UVRAG: variants seen among roughly 807,000 people sequenced by gnomAD.
The protein encoded by UVRAG is UV radiation resistance-associated gene protein.
A neutral mutation model predicts 78.0 loss-of-function variants in UVRAG; 19 were observed. The observed-to-expected ratio is 0.24, with a 90% CI of 0.17 to 0.36. UVRAG has a LOEUF of 0.36. UVRAG is among the 10% of genes least tolerant of loss of function. The pLI is 1.00. For missense variants in UVRAG, 740 were observed against 853.8 expected (o/e 0.87, Z 1.66); for synonymous variants, 323 against 324.6 (o/e 1.00, Z 0.05).
chr11:76,139,651 CACAT>C (rs1952669208), intron 14 of UVRAG, among the ~76,000 whole-genome samples: 1 of 152,116 alleles, frequency 6.6e-6, no homozygotes, highest in Non-Finnish European at 1.5e-5. Context: ...TAATTTCATC[CACAT>C]ACAAGAATGT....
At chr11:75,988,403 A>T (rs749434220) in intron 8 of UVRAG, among the ~76,000 whole-genome samples, 1 of 152,214 alleles carries the variant, frequency 6.6e-6, no homozygotes, top group Non-Finnish European at 1.5e-5. Flanking sequence ...TTCACTTAGC[A>T]TAGTAGCTTT....
At chr11:75,980,838 T>C (rs1041964241) in intron 7 of UVRAG, among the ~76,000 whole-genome samples, 2 of 151,884 alleles carry the variant, frequency 1.3e-5, no homozygotes, top group Admixed American at 6.6e-5. Context: ...CCTGCCACCA[T>C]GCCCAGCTAA....
chr11:75,857,487 TTC>T (rs1491318566), intron 2 of UVRAG, among the ~76,000 whole-genome samples: 8 of 150,624 alleles, frequency 5.3e-5, no homozygotes, highest in African/African-American at 2.0e-4. Context: ...ATCTTTCTTT[TTC>T]CCCCCCCCTT....
intron 3 of UVRAG, among the ~76,000 whole-genome samples, chr11:75,872,255 G>A (rs2134830408): frequency 6.6e-6 from 1 of 152,166 alleles, no homozygotes; most frequent in Middle Eastern, 3.4e-3. Flanking sequence ...ACAAGTCAAG[G>A]TTATCATGAG....
intron 13 of UVRAG, among the ~76,000 whole-genome samples, chr11:76,107,385 C>T (rs967337042): frequency 6.6e-6 from 1 of 152,152 alleles, no homozygotes; most frequent in African/African-American, 2.4e-5. Context: ...CCATTCAGCT[C>T]TAGTATTAAT....
At chr11:76,128,393 C>T (rs1031744595) in intron 14 of UVRAG, among the ~76,000 whole-genome samples, 6 of 152,180 alleles carry the variant, frequency 3.9e-5, no homozygotes, top group African/African-American at 1.4e-4. Context: ...TCCATGAAAC[C>T]GGTCCCTGCT....
rs577472966 is a variant in UVRAG at position 75,931,512 on chromosome 11, A to T, written c.593+19473A>T. On this transcript the variant is annotated intron_variant, in intron 6 of 14. Transcript: ENST00000356136. Reference sequence around the variant, plus strand: ...CCCCCAATTGCACCTGGCATATTTTAAAAAATTAAAGTGAAATCTGCATAC... The same window carrying T: ...CCCCCAATTGCACCTGGCATATTTTTAAAAATTAAAGTGAAATCTGCATAC... Among the ~76,000 whole-genome samples, 4 of 152,290 alleles carry T rather than the reference A, an allele frequency of 2.6e-5. No individual in the cohort carries two copies. In the East Asian group the frequency reaches 7.7e-4, roughly 29 times the overall value.
chr11:76,101,447 G>T (rs1951878359), intron 13 of UVRAG, among the ~76,000 whole-genome samples: 1 of 151,900 alleles, frequency 6.6e-6, no homozygotes, highest in African/African-American at 2.4e-5. Flanking sequence ...TTTTAATGGG[G>T]TCGTTTGTTT....
At chr11:75,999,713 G>T (rs552263251) in intron 8 of UVRAG, among the ~76,000 whole-genome samples, 2 of 152,032 alleles carry the variant, frequency 1.3e-5, no homozygotes, top group African/African-American at 2.4e-5. Context: ...ACATGAAGTG[G>T]TATAATATTA....
intron 1 of UVRAG, among the ~76,000 whole-genome samples, chr11:75,817,386 A>G (rs1431774310): frequency 6.6e-6 from 1 of 152,190 alleles, no homozygotes; most frequent in East Asian, 1.9e-4. Flanking sequence ...CAAACTGTTG[A>G]TGGAATAATT....
At chr11:76,137,631 G>A in intron 14 of UVRAG, 1 of 368,230 alleles carries the variant, frequency 2.7e-6, no homozygotes, top group Non-Finnish European at 5.3e-6. Context: ...GGGACCTGTG[G>A]CTCACACCTG....
rs540618215 is a variant in UVRAG, at chr11:76,086,249, G to A, written c.1305+20461G>A. Among the ~76,000 whole-genome samples the A allele has an allele frequency of 3.9e-5, 6 of 152,240 alleles. No homozygotes were observed. In the South Asian group the frequency reaches 1.2e-3, roughly 32 times the overall value. On this transcript the variant is annotated intron_variant, in intron 13 of 14. Transcript: ENST00000356136. ...TTTTTTCCATCATGTATTCTAGAAA[G>A]ATTTGTCTTTACACATCTGTAAAGC... is the stretch of plus-strand genomic sequence containing the variant.
intron 11 of UVRAG, among the ~76,000 whole-genome samples, chr11:76,010,867 C>A (rs558823895): frequency 6.6e-6 from 1 of 152,012 alleles, no homozygotes; most frequent in African/African-American, 2.4e-5. Flanking sequence ...GCCTTGAGGT[C>A]ACTATAAGGA....
intron 13 of UVRAG, among the ~76,000 whole-genome samples, chr11:76,089,080 A>C (rs1001655579): frequency 6.6e-6 from 1 of 152,180 alleles, no homozygotes; most frequent in African/African-American, 2.4e-5. Context: ...TCATCTCTGA[A>C]AGGAATAGCC....
rs1952759547 is a variant in UVRAG at position 76,143,555 on chromosome 11, T to C, written c.*2142T>C. ...AGCTGATTGCTAGGTGCCTACACATTTGCCTCGACCCACACAGCCCCGTGG... is the reference window on the plus strand; with the variant it reads ...AGCTGATTGCTAGGTGCCTACACATCTGCCTCGACCCACACAGCCCCGTGG... On this transcript the variant is annotated 3_prime_UTR_variant, in exon 15 of 15. Transcript: ENST00000356136. 6.6e-6 allele frequency among the ~76,000 whole-genome samples: 1 copy of C among 151,968 alleles called. No homozygotes were observed. The highest frequency in any genetic ancestry group is 1.5e-5 in the Non-Finnish European group (1 of 67,934).
At chr11:76,128,803 C>T (rs750008562) in intron 14 of UVRAG, among the ~76,000 whole-genome samples, 97 of 152,048 alleles carry the variant, frequency 6.4e-4, no homozygotes, top group African/African-American at 2.0e-3. Flanking sequence ...GGTTTAAGCT[C>T]GATTTAGATA....
intron 5 of UVRAG, among the ~76,000 whole-genome samples, chr11:75,905,664 A>G (rs1775750375): frequency 6.6e-6 from 1 of 152,116 alleles, no homozygotes; most frequent in Non-Finnish European, 1.5e-5. Context: ...GCATGTGTAC[A>G]CACACAGAGA....
At chr11:76,138,413 C>T (rs554264558) in intron 14 of UVRAG, among the ~76,000 whole-genome samples, 8 of 152,318 alleles carry the variant, frequency 5.3e-5, no homozygotes, top group Non-Finnish European at 8.8e-5. Context: ...GGAAAATGGT[C>T]GTTCCCTTCA....
chr11:76,084,355 C>CA lies in UVRAG; in HGVS notation c.1305+18569dup, dbSNP rs1951547657. On this transcript the variant is annotated intron_variant, in intron 13 of 14. Transcript: ENST00000356136. ...GTATTAATATCTGAATTTAAGAGTC[C>CA]AAGAGAATGTACCGCTTTTATTAAT... Among the ~76,000 whole-genome samples the CA allele has an allele frequency of 2.6e-5, 4 of 152,078 alleles. No homozygotes were observed. In the South Asian group the frequency reaches 8.3e-4, roughly 32 times the overall value.
Sources: gnomAD v4.1 joint callset for allele counts (sites outside exome capture counted in the v4.1 genomes callset) on GRCh38, gnomAD v4.1.1 for gene constraint, MANE v1.5 for transcripts, NCBI Gene and HGNC (gene_info 2026-07-23, HGNC 2026-07-21) for gene names.